The following SCAI variants were observed in gnomAD, a reference collection of about 807,000 sequenced individuals.
SCAI encodes the protein suppressor of cancer cell invasion.
Under a neutral mutation model 92.2 loss-of-function variants are expected in SCAI, and 24 were observed. The ratio of observed to expected loss-of-function variants is 0.26; its 90% CI spans 0.19 to 0.37. The LOEUF is 0.37. Ranked by LOEUF, SCAI falls within the 10% of genes least tolerant of loss-of-function variation. The pLI is 1.00. For missense variants in SCAI, 450 were observed against 736.2 expected, an observed-to-expected ratio of 0.61 and a Z score of 4.50; for synonymous variants, 261 against 258.6, an observed-to-expected ratio of 1.01 and a Z score of -0.09.
Position 125,050,158 on chromosome 9 carries a change from G to C in SCAI, c.230+5718C>G, listed in dbSNP as rs184824704. Among the ~76,000 whole-genome samples, 244 of 151,802 alleles carry C rather than the reference G, an allele frequency of 1.6e-3. 1 individual carries two copies. Among genetic ancestry groups the C allele is most frequent in the African/African-American group, 5.7e-3 (236 of 41,394 alleles). Reference sequence around the variant, plus strand: ...AATATTAAAAACTGACACTATTCCAGCTGGATCCCACTTCATTCCATTTCC... The same window carrying C: ...AATATTAAAAACTGACACTATTCCACCTGGATCCCACTTCATTCCATTTCC... On this transcript the variant is annotated intron_variant, in intron 3 of 17. Transcript: ENST00000336505.
intron 2 of SCAI, among the ~76,000 whole-genome samples, chr9:125,135,997 C>T (rs1272800586): frequency 2.7e-5 from 4 of 147,324 alleles, no homozygotes; most frequent in African/African-American, 9.9e-5. Context: ...AAAAAAAAAA[C>T]CATAATTCTG....
At chr9:125,052,473 G>A (rs1212905181) in intron 3 of SCAI, among the ~76,000 whole-genome samples, 2 of 151,934 alleles carry the variant, frequency 1.3e-5, no homozygotes, top group Admixed American at 1.3e-4. Context: ...CGGGGTAGGG[G>A]GGCGGTGGGT....
chr9:125,076,602 C>G (rs1307343913), intron 2 of SCAI, among the ~76,000 whole-genome samples: 2 of 142,842 alleles, frequency 1.4e-5, no homozygotes, highest in Non-Finnish European at 3.1e-5. Flanking sequence ...TGGTGGCTCA[C>G]CTCTGTAATC....
rs781533517 is a variant in SCAI, at chr9:124,946,641, T to C, written c.*6166A>G. 4 of 152,178 alleles carry C rather than the reference T, an allele frequency of 2.6e-5. No individual in the cohort carries two copies. The highest frequency in any genetic ancestry group is 4.4e-5 in the Non-Finnish European group (3 of 68,026). The allele number at this position is 152,178 out of a possible 1,614,324, so 9.4% of individuals were successfully genotyped here. A position where few individuals can be genotyped will look rare whatever the true frequency, so the allele number is the denominator to read the frequency against. On this transcript the variant is annotated 3_prime_UTR_variant, in exon 18 of 18. Transcript: ENST00000336505. This position sits in a 1 kb window ranked among gnomAD's most constrained non-coding sequence, Gnocchi z 4.0. ...TTGATACTTGGCAACATTCTATAGG[T>C]TCACAAATTGGCATTGCACGTATTT...
intron 2 of SCAI, among the ~76,000 whole-genome samples, chr9:125,066,235 T>C (rs143114011): frequency 6.6e-6 from 1 of 152,282 alleles, no homozygotes; most frequent in African/African-American, 2.4e-5. Flanking sequence ...AGTATATTTC[T>C]ATATTCCCAA....
At chr9:125,120,652 C>T (rs1196100256) in intron 2 of SCAI, among the ~76,000 whole-genome samples, 1 of 152,086 alleles carries the variant, frequency 6.6e-6, no homozygotes, top group Non-Finnish European at 1.5e-5. Context: ...GAGATCGCAC[C>T]ACTGCACTCT....
rs1831161312 is a variant in SCAI, at chr9:124,947,316, T to A, written c.*5491A>T. 1 of 152,220 alleles carries A rather than the reference T, an allele frequency of 6.6e-6. No homozygotes were observed. The highest frequency in any genetic ancestry group is 1.5e-5 in the Non-Finnish European group (1 of 68,028). The allele number at this position is 152,220 out of a possible 1,614,324, so 9.4% of individuals were successfully genotyped here. A position where few individuals can be genotyped will look rare whatever the true frequency, so the allele number is the denominator to read the frequency against. On this transcript the variant is annotated 3_prime_UTR_variant, in exon 18 of 18. Coordinates refer to ENST00000336505, the MANE Select transcript of SCAI (RefSeq NM_001144877.3). Reference sequence around the variant, plus strand: ...AATCTGCTGGTGTCTCAGTTTCACATACTTAGGTTTTTCAGGTTATATCAC... The same window carrying A: ...AATCTGCTGGTGTCTCAGTTTCACAAACTTAGGTTTTTCAGGTTATATCAC...
At chr9:124,972,243 T>C (rs1372337277) in intron 15 of SCAI, among the ~76,000 whole-genome samples, 1 of 152,182 alleles carries the variant, frequency 6.6e-6, no homozygotes, top group Non-Finnish European at 1.5e-5. Flanking sequence ...ATCTCTTAAA[T>C]ATGAGTAGTT....
chr9:125,001,883 C>T (rs759984227), intron 12 of SCAI, 82 bp downstream of exon 12: 32 of 952,094 alleles, frequency 3.4e-5, no homozygotes, highest in Non-Finnish European at 4.8e-5. Flanking sequence ...CTGAGATGGT[C>T]TGTGGGCTAC....
In SCAI at chr9:125,027,774, A is replaced by C. The variant is rs566199342; in HGVS notation, c.413+618T>G. Among the ~76,000 whole-genome samples the C allele has an allele frequency of 2.3e-3, 349 of 152,302 alleles. 2 individuals are homozygous for C. Among genetic ancestry groups the C allele is most frequent in the African/African-American group, 8.0e-3 (331 of 41,560 alleles). On this transcript the variant is annotated intron_variant, in intron 5 of 17. Transcript: ENST00000336505. ...GGTGATCCACCTGCCTTGGCCTCCC[A>C]AAGTCCTAGGATTACAGGCGTGAGC...
chr9:125,137,523 A>G (rs1835565803), intron 2 of SCAI, among the ~76,000 whole-genome samples: 2 of 152,318 alleles, frequency 1.3e-5, no homozygotes, highest in South Asian at 4.1e-4. Context: ...AGAGCCATAT[A>G]CCAAAACCAC....
In SCAI at chr9:125,055,853, C is replaced by T. The variant is rs776209294; in HGVS notation, c.230+23G>A. The T allele has an allele frequency of 2.2e-5, 35 of 1,565,628 alleles. No homozygotes were observed. The South Asian group carries it at 4.3e-4, about 19-fold the overall frequency. On this transcript the variant is annotated intron_variant, in intron 3 of 17. Transcript: ENST00000336505. Reference sequence around the variant, plus strand: ...ACAAATGCAGAACTAAAGAAAAGTTCAAAACACCAAGAGTCCACTCACCTT... The same window carrying T: ...ACAAATGCAGAACTAAAGAAAAGTTTAAAACACCAAGAGTCCACTCACCTT...
intron 9 of SCAI, among the ~76,000 whole-genome samples, chr9:125,005,426 C>T (rs62582239): frequency 0.18 from 27,927 of 152,074 alleles, 3,024 homozygotes; most frequent in Non-Finnish European, 0.23. Flanking sequence ...CCGCCTCCCA[C>T]GTTCAAGTGA....
chr9:125,134,269 T>G (rs1450854991), intron 2 of SCAI, among the ~76,000 whole-genome samples: 2 of 152,198 alleles, frequency 1.3e-5, no homozygotes, highest in African/African-American at 4.8e-5. Context: ...AAACCCTTTG[T>G]ATGTACTGTG....
intron 9 of SCAI, among the ~76,000 whole-genome samples, chr9:125,008,251 C>A (rs913143224): frequency 1.3e-5 from 2 of 151,858 alleles, no homozygotes; most frequent in African/African-American, 4.8e-5. Context: ...TTCAAGTGAT[C>A]CTCCTGCCTC....
At chr9:125,024,853 A>T (rs571652446) in intron 6 of SCAI, among the ~76,000 whole-genome samples, 3 of 152,252 alleles carry the variant, frequency 2.0e-5, no homozygotes, top group Admixed American at 6.5e-5. Context: ...CTCCTCTCCT[A>T]GGTAGGATGG....
chr9:125,074,223 C>A (rs1834039570), intron 2 of SCAI, among the ~76,000 whole-genome samples: 1 of 146,290 alleles, frequency 6.8e-6, no homozygotes, highest in South Asian at 2.2e-4. Flanking sequence ...TGCACCACTG[C>A]ACTCCAGCCT....
chr9:125,010,178 C>T (rs565100905), intron 9 of SCAI, among the ~76,000 whole-genome samples: 72 of 152,248 alleles, frequency 4.7e-4, no homozygotes, highest in African/African-American at 1.7e-3. Flanking sequence ...ACGCAGTGGG[C>T]GCAGGACAGT....
chr9:124,989,309 G>A (rs986687700), intron 14 of SCAI, among the ~76,000 whole-genome samples: 6 of 152,124 alleles, frequency 3.9e-5, no homozygotes, highest in Non-Finnish European at 7.3e-5. Flanking sequence ...GCTCGGCGCC[G>A]TGGCTCAGGC....
Sources: gnomAD v4.1 joint callset for allele counts (sites outside exome capture counted in the v4.1 genomes callset) on GRCh38, gnomAD v4.1.1 for gene constraint, Gnocchi (gnomAD v3.1) non-coding constraint, MANE v1.5 for transcripts, NCBI Gene and HGNC (gene_info 2026-07-23, HGNC 2026-07-21) for gene names.